PLEKHA5: variants seen among roughly 807,000 people sequenced by gnomAD.
The protein encoded by PLEKHA5 is pleckstrin homology domain-containing family A member 5.
A neutral mutation model predicts 181.9 loss-of-function variants in PLEKHA5; 55 were observed. That is an observed-to-expected ratio of 0.30 (90% CI 0.24 to 0.38). PLEKHA5 has a LOEUF of 0.38. Among genes scored for constraint, PLEKHA5 ranks in the 10% least tolerant of loss-of-function variants. The probability of loss-of-function intolerance (pLI) is 1.00; values close to 1 mark genes in which losing one functional copy is unlikely to be tolerated. For synonymous variants in PLEKHA5, 535 were observed against 529.4 expected, an observed-to-expected ratio of 1.01 and a Z score of -0.15; for missense variants, 1,432 against 1,549.5, an observed-to-expected ratio of 0.92 and a Z score of 1.27.
Position 19,156,973 on chromosome 12 carries a change from C to T in PLEKHA5, c.227+24523C>T, listed in dbSNP as rs753619662. Among the ~76,000 whole-genome samples, 241 of 151,314 alleles carry T rather than the reference C, an allele frequency of 1.6e-3. 4 individuals are homozygous for T. The highest frequency in any genetic ancestry group is 2.9e-4 in the Non-Finnish European group (20 of 67,870). On this transcript the variant is annotated intron_variant, in intron 3 of 31. Coordinates refer to ENST00000429027, the MANE Select transcript of PLEKHA5 (RefSeq NM_001256470.2). ...ACTTGGGGGGCTGAGGCAGGAGAAT[C>T]GCTTGAACCCGGGAGCCAGAGTGCA...
chr12:19,239,135 C>T (rs1258155969), intron 3 of PLEKHA5, among the ~76,000 whole-genome samples: 1 of 152,108 alleles, frequency 6.6e-6, no homozygotes, highest in African/African-American at 2.4e-5. Context: ...TAAATAATTT[C>T]AACACGAAGA....
At chr12:19,328,642 C>G in intron 20 of PLEKHA5, among the ~76,000 whole-genome samples, 1 of 150,404 alleles carries the variant, frequency 6.6e-6, no homozygotes, top group Non-Finnish European at 1.5e-5. Flanking sequence ...TCAGCTTGAA[C>G]ATTATTGGTG....
At chr12:19,351,934 A>G (rs2094612541) in intron 25 of PLEKHA5, among the ~76,000 whole-genome samples, 1 of 151,974 alleles carries the variant, frequency 6.6e-6, no homozygotes, top group South Asian at 2.1e-4. Context: ...TTAGCTAGGC[A>G]TGGTGGCATA....
chr12:19,191,825 C>G (rs1220136547), intron 3 of PLEKHA5, among the ~76,000 whole-genome samples: 2 of 152,104 alleles, frequency 1.3e-5, no homozygotes, highest in Non-Finnish European at 2.9e-5. Flanking sequence ...TAGTTGGTTT[C>G]TCTGCATAAG....
At chr12:19,282,645 TGA>T (rs1310999334) in intron 11 of PLEKHA5, among the ~76,000 whole-genome samples, 8 of 152,128 alleles carry the variant, frequency 5.3e-5, no homozygotes, top group Admixed American at 3.3e-4. Flanking sequence ...TGTATAAAAA[TGA>T]GAGTTTATTT....
At chr12:19,262,544 T>C (rs1488451249) in intron 7 of PLEKHA5, among the ~76,000 whole-genome samples, 8 of 152,108 alleles carry the variant, frequency 5.3e-5, no homozygotes, top group African/African-American at 1.9e-4. Context: ...CAGCCAAGAA[T>C]TTATTGATGT....
At chr12:19,237,746 G>A (rs1044950912) in intron 3 of PLEKHA5, among the ~76,000 whole-genome samples, 2 of 151,924 alleles carry the variant, frequency 1.3e-5, no homozygotes, top group African/African-American at 4.8e-5. Context: ...GCTATTAATT[G>A]TAGAGGCCAG....
At chr12:19,311,406 G>A (rs751748424) in intron 15 of PLEKHA5, among the ~76,000 whole-genome samples, 3 of 150,340 alleles carry the variant, frequency 2.0e-5, no homozygotes, top group Non-Finnish European at 4.4e-5. Flanking sequence ...TTACTCCACT[G>A]CACTCCAGTC....
chr12:19,341,856 C>G (rs532892878), intron 21 of PLEKHA5, among the ~76,000 whole-genome samples: 23 of 152,162 alleles, frequency 1.5e-4, no homozygotes, highest in African/African-American at 5.1e-4. Context: ...CTCAGCCTCC[C>G]AAGTAGCTGG....
At chr12:19,213,146 G>A (rs1374693361) in intron 3 of PLEKHA5, among the ~76,000 whole-genome samples, 3 of 152,088 alleles carry the variant, frequency 2.0e-5, no homozygotes, top group African/African-American at 4.8e-5. Context: ...CAGGTGCTGC[G>A]TACAGTGAGA....
chr12:19,301,885 C>T (rs901528531), intron 15 of PLEKHA5, among the ~76,000 whole-genome samples: 2 of 152,110 alleles, frequency 1.3e-5, no homozygotes, highest in African/African-American at 2.4e-5. Flanking sequence ...AGGTAGCATA[C>T]CCTTCAATCT....
chr12:19,254,554 C>T (rs141724653), intron 4 of PLEKHA5, among the ~76,000 whole-genome samples: 61 of 152,266 alleles, frequency 4.0e-4, no homozygotes, highest in Non-Finnish European at 7.2e-4. Flanking sequence ...GGCACAGTGG[C>T]TCACGCCTGT....
At chr12:19,146,953 C>T (rs2039076400) in intron 3 of PLEKHA5, 3 of 152,142 alleles carry the variant, frequency 2.0e-5, no homozygotes, top group African/African-American at 7.2e-5. Context: ...TTTTAATAGG[C>T]TTATGATGTT....
chr12:19,245,483 T>C (rs756920256), intron 3 of PLEKHA5, among the ~76,000 whole-genome samples: 6 of 151,770 alleles, frequency 4.0e-5, no homozygotes. Flanking sequence ...GCCAGGGAGA[T>C]TTTGGGAAAC....
chr12:19,201,477 C>T (rs553322978), intron 3 of PLEKHA5: 4 of 152,100 alleles, frequency 2.6e-5, no homozygotes, highest in South Asian at 2.1e-4. Context: ...AATTTTACTA[C>T]GTAAGTATGT....
At chr12:19,372,544 A>T (rs1163474838) in intron 31 of PLEKHA5, 2 of 151,644 alleles carry the variant, frequency 1.3e-5, no homozygotes, top group South Asian at 4.2e-4. Flanking sequence ...AGGAACTATA[A>T]TCTGTGCCCT....
intron 3 of PLEKHA5, among the ~76,000 whole-genome samples, chr12:19,182,617 T>C (rs779881027): frequency 4.2e-4 from 64 of 152,212 alleles, no homozygotes; most frequent in Admixed American, 7.2e-4. Flanking sequence ...ATATTTCTAG[T>C]GCCTGCTTTA....
At chr12:19,356,677 T>TA (rs1195136462) in intron 26 of PLEKHA5, among the ~76,000 whole-genome samples, 1 of 144,264 alleles carries the variant, frequency 6.9e-6, no homozygotes, top group African/African-American at 2.6e-5. Flanking sequence ...TTTTTTTTTT[T>TA]TTTTTTTGAG....
chr12:19,335,213 C>T (rs1373439987), intron 20 of PLEKHA5, among the ~76,000 whole-genome samples: 2 of 150,422 alleles, frequency 1.3e-5, no homozygotes, highest in Admixed American at 6.6e-5. Flanking sequence ...TGTATTTTTT[C>T]GTAGAGATGG....
Sources: allele counts gnomAD v4.1 joint callset (sites outside exome capture counted in the v4.1 genomes callset), GRCh38; gene constraint gnomAD v4.1.1; transcripts MANE v1.5; gene names NCBI Gene and HGNC (gene_info 2026-07-23, HGNC 2026-07-21).